Variants in ANGPT1 observed in about 807,000 individuals in gnomAD.
ANGPT1 encodes the protein angiopoietin-1.
Under a neutral mutation model 62.2 loss-of-function variants are expected in ANGPT1, and 17 were observed. The ratio of observed to expected loss-of-function variants is 0.27; its 90% CI spans 0.19 to 0.41. ANGPT1 has a LOEUF of 0.41. Among genes scored for constraint, ANGPT1 ranks in the 10% least tolerant of loss-of-function variants. The probability of loss-of-function intolerance (pLI) is 1.00; values close to 1 mark genes in which losing one functional copy is unlikely to be tolerated. For missense variants in ANGPT1, 478 were observed against 594.9 expected (o/e 0.80, Z 2.04); for synonymous variants, 199 against 198.9 (o/e 1.00, Z 0.00).
rs932512363 is a variant in ANGPT1 at position 107,299,111 on chromosome 8, G to T, written c.936+4129C>A. On this transcript the variant is annotated intron_variant, in intron 5 of 8. Coordinates refer to ENST00000517746, the MANE Select transcript of ANGPT1 (RefSeq NM_001146.5). The stretch of plus-strand genomic sequence containing the variant: ...CCTAATTTTCTAAAAATAAACCCTT[G>T]CCTGTGTAGCTCACATGTCACACCA... 7.3e-5 allele frequency among the ~76,000 whole-genome samples: 11 copies of T among 151,580 alleles called. No homozygotes were observed. In the South Asian group the frequency reaches 2.3e-3, roughly 32 times the overall value.
intron 1 of ANGPT1, among the ~76,000 whole-genome samples, chr8:107,369,286 T>C (rs971959181): frequency 6.6e-6 from 1 of 152,184 alleles, no homozygotes; most frequent in Non-Finnish European, 1.5e-5. Context: ...TCTGCAGCTC[T>C]CTCACCTCTC....
Position 107,338,430 on chromosome 8 carries a change from T to G in ANGPT1, c.454-2159A>C, listed in dbSNP as rs142674812. On this transcript the variant is annotated intron_variant, in intron 2 of 8. Coordinates refer to ENST00000517746, the MANE Select transcript of ANGPT1 (RefSeq NM_001146.5). The stretch of plus-strand genomic sequence containing the variant: ...TGGTCTCACTTGCCTCACCCTACAG[T>G]CCTAGCCCCGCAAGGGGTGGAACAG... Among the ~76,000 whole-genome samples, 439 of 152,328 alleles carry G rather than the reference T, an allele frequency of 2.9e-3. 2 individuals are homozygous for G. Among genetic ancestry groups the G allele is most frequent in the African/African-American group, 0.01 (421 of 41,584 alleles).
intron 5 of ANGPT1, among the ~76,000 whole-genome samples, chr8:107,299,200 T>A: frequency 6.6e-6 from 1 of 151,306 alleles, no homozygotes; most frequent in East Asian, 1.9e-4. Context: ...CAATTTCAAT[T>A]ATCGTTAACA....
intron 7 of ANGPT1, among the ~76,000 whole-genome samples, chr8:107,266,385 G>T (rs1462890966): frequency 6.6e-6 from 1 of 152,204 alleles, no homozygotes; most frequent in Non-Finnish European, 1.5e-5. Flanking sequence ...TCCATTTGCA[G>T]TCCAAGTAGG....
At chr8:107,386,459 G>A (rs2130289824) in intron 1 of ANGPT1, among the ~76,000 whole-genome samples, 1 of 152,268 alleles carries the variant, frequency 6.6e-6, no homozygotes, top group South Asian at 2.1e-4. Context: ...AAGAGAGGCT[G>A]CCTTAAAATT....
At position 107,368,938 on chromosome 8, in the gene ANGPT1, A is replaced by G. The variant is rs1053971341; in HGVS notation, c.298-21841T>C. ...GACCCTAGGATTTTTGAGTTAGTAA[A>G]TAAGTATTGTCTTCAACTTAAAGTT... On this transcript the variant is annotated intron_variant, in intron 1 of 8. Coordinates refer to ENST00000517746, the MANE Select transcript of ANGPT1 (RefSeq NM_001146.5). Among the ~76,000 whole-genome samples the G allele has an allele frequency of 5.9e-5, 9 of 152,220 alleles. No individual in the cohort carries two copies. The East Asian group carries it at 1.7e-3, about 29-fold the overall frequency.
At chr8:107,311,069 CA>C (rs1814849394) in intron 4 of ANGPT1, among the ~76,000 whole-genome samples, 1 of 150,858 alleles carries the variant, frequency 6.6e-6, no homozygotes, top group Admixed American at 6.6e-5. Context: ...GGCATGGAGA[CA>C]AGAAATTGGA....
intron 2 of ANGPT1, among the ~76,000 whole-genome samples, chr8:107,343,600 G>A (rs535706504): frequency 2.0e-5 from 3 of 152,242 alleles, no homozygotes; most frequent in African/African-American, 7.2e-5. Flanking sequence ...AGATTGGAAA[G>A]GTACATCTTT....
At chr8:107,488,669 T>C (rs1812879243) in intron 1 of ANGPT1, among the ~76,000 whole-genome samples, 1 of 152,212 alleles carries the variant, frequency 6.6e-6, no homozygotes, top group Admixed American at 6.5e-5. Flanking sequence ...ACCTTTGTTC[T>C]TATTATTTAA....
rs149970410 is a variant in ANGPT1 at position 107,378,658 on chromosome 8, C to G, written c.298-31561G>C. Among the ~76,000 whole-genome samples the G allele has an allele frequency of 3.8e-3, 574 of 152,002 alleles. 4 individuals are homozygous for G. The highest frequency in any genetic ancestry group is 0.013 in the African/African-American group (542 of 41,476). On this transcript the variant is annotated intron_variant, in intron 1 of 8. Transcript: ENST00000517746. ...TGATTGGATCATGGGGTGGTTTCCCCCATGCTGTTCTCATGATAGTGAGTT... is the reference window on the plus strand; with the variant it reads ...TGATTGGATCATGGGGTGGTTTCCCGCATGCTGTTCTCATGATAGTGAGTT...
rs774268594 is a variant in ANGPT1 at position 107,497,334 on chromosome 8, T to G, written c.225A>C (p.Glu75Asp). ...GAAGTTTCTGGGAAGAGAAATCCGG[T>G]TCCACGTGTGGAGCATCTCTCTGCA... ...NALQRDAPHV[E>D]PDFSSQKLQH... The change falls in exon 1 of 9, where the codon GAA (glutamate) becomes GAC (aspartate). Residue 75 changes from glutamate to aspartate, a missense_variant. Around this residue, in one of 4 missense-constraint regions of ANGPT1, gnomAD observed 343 missense variants for 355.4 expected, o/e 0.97. Coordinates refer to ENST00000517746, the MANE Select transcript of ANGPT1 (RefSeq NM_001146.5). 3 of 1,614,194 alleles carry G rather than the reference T, an allele frequency of 1.9e-6. No homozygotes were observed. The highest frequency in any genetic ancestry group is 2.5e-6 in the Non-Finnish European group (3 of 1,180,008).
intron 3 of ANGPT1, among the ~76,000 whole-genome samples, chr8:107,323,799 T>C (rs1815212728): frequency 6.6e-6 from 1 of 152,038 alleles, no homozygotes; most frequent in South Asian, 2.1e-4. Flanking sequence ...GACAGAGTCT[T>C]GCTCTGTCGC....
rs558140207 is a variant in ANGPT1 at position 107,451,137 on chromosome 8, A to G, written c.297+46125T>C. 3.7e-4 allele frequency among the ~76,000 whole-genome samples: 56 copies of G among 152,038 alleles called. 1 individual carries two copies. In the South Asian group the frequency reaches 0.011, roughly 29 times the overall value. ...TATATATTTCTTAAATTAAAAAAAT[A>G]CTATACTACCAGAATTTGCATTAAC... On this transcript the variant is annotated intron_variant, in intron 1 of 8. Coordinates refer to ENST00000517746, the MANE Select transcript of ANGPT1 (RefSeq NM_001146.5).
At chr8:107,426,470 C>T (rs926675797) in intron 1 of ANGPT1, among the ~76,000 whole-genome samples, 11 of 152,154 alleles carry the variant, frequency 7.2e-5, no homozygotes, top group East Asian at 3.9e-4. Context: ...TCTATTTAAA[C>T]ATGAAGACAC....
At chr8:107,476,768 T>G (rs556819019) in intron 1 of ANGPT1, among the ~76,000 whole-genome samples, 12 of 152,280 alleles carry the variant, frequency 7.9e-5, no homozygotes, top group African/African-American at 2.9e-4. Context: ...TTTTTAAAAT[T>G]TAGTACGTAT....
chr8:107,253,483 T>C (rs552722258), intron 8 of ANGPT1, among the ~76,000 whole-genome samples: 1 of 152,316 alleles, frequency 6.6e-6, no homozygotes, highest in African/African-American at 2.4e-5. Flanking sequence ...CTTGATTGAT[T>C]CTGTTTTTAA....
In ANGPT1 at chr8:107,492,219, A is replaced by T. The variant is rs562540395; in HGVS notation, c.297+5043T>A. Among the ~76,000 whole-genome samples, 23 of 152,344 alleles carry T rather than the reference A, an allele frequency of 1.5e-4. No homozygotes were observed. The South Asian group carries it at 4.8e-3, about 32-fold the overall frequency. ...TTTCTACAACTCGATTTAAAAGATCATTATTTCTATTAATCTTTCTCAGCA... is the reference window on the plus strand; with the variant it reads ...TTTCTACAACTCGATTTAAAAGATCTTTATTTCTATTAATCTTTCTCAGCA... On this transcript the variant is annotated intron_variant, in intron 1 of 8. Coordinates refer to ENST00000517746, the MANE Select transcript of ANGPT1 (RefSeq NM_001146.5).
At chr8:107,475,571 C>A (rs964543150) in intron 1 of ANGPT1, among the ~76,000 whole-genome samples, 19 of 152,100 alleles carry the variant, frequency 1.2e-4, no homozygotes, top group Non-Finnish European at 1.8e-4. Context: ...GCAACAAAAG[C>A]CAAAATTGAC....
In ANGPT1 at chr8:107,317,993, G is replaced by T. The variant is rs147038845; in HGVS notation, c.808+3903C>A. Among the ~76,000 whole-genome samples the T allele has an allele frequency of 9.9e-5, 15 of 152,202 alleles. No individual in the cohort carries two copies. The East Asian group carries it at 2.9e-3, about 29-fold the overall frequency. The stretch of plus-strand genomic sequence containing the variant: ...TCTCCCCTGAAAGATTCCAAACCTT[G>T]TTTGTATGCCTTATTAATGTAAATT... On this transcript the variant is annotated intron_variant, in intron 4 of 8. Transcript: ENST00000517746.
Sources: gnomAD v4.1 joint callset for allele counts (sites outside exome capture counted in the v4.1 genomes callset) on GRCh38, gnomAD v4.1.1 for gene constraint, gnomAD v4.1.1 regional missense constraint, MANE v1.5 for transcripts, NCBI Gene and HGNC (gene_info 2026-07-23, HGNC 2026-07-21) for gene names.